The following ENTPD5 variants were observed in gnomAD, a reference collection of about 807,000 sequenced individuals.
ENTPD5 encodes the protein nucleoside diphosphate phosphatase ENTPD5.
A neutral mutation model predicts 60.2 loss-of-function variants in ENTPD5; 49 were observed. That is an observed-to-expected ratio of 0.81 (90% CI 0.65 to 1.03). The LOEUF is 1.03. ENTPD5 is among the 50% of genes least tolerant of loss of function. The pLI is 0.00. For missense variants in ENTPD5, 480 were observed against 507.6 expected (o/e 0.95, Z 0.52); for synonymous variants, 187 against 185.4 (o/e 1.01, Z -0.07).
Position 73,983,146 on chromosome 14 carries a change from G to C in ENTPD5, c.313C>G (p.Gln105Glu), listed in dbSNP as rs1222812546. Residue 105 changes from glutamine (Q) to glutamate (E), a missense_variant, in exon 6 of 16, where the codon CAA (glutamine) becomes GAA (glutamate). Coordinates refer to ENST00000334696, the MANE Select transcript of ENTPD5 (RefSeq NM_001249.5). The part of the protein sequence containing the change: ...DQPKQGAETV[Q>E]GLLEVAKDSI... ...TCTTTGGCCACCTCTAAGAGCCCTTGAACGGTCTCAGCACCCTTCAAAAGA... is the reference window on the plus strand; with the variant it reads ...TCTTTGGCCACCTCTAAGAGCCCTTCAACGGTCTCAGCACCCTTCAAAAGA... The C allele has an allele frequency of 6.2e-7, 1 of 1,613,882 alleles. No individual in the cohort carries two copies. The highest frequency in any genetic ancestry group is 2.2e-5 in the East Asian group (1 of 44,888).
chr14:73,955,641 G>A (rs770807481), downstream of ENTPD5: 6 of 1,354,942 alleles, frequency 4.4e-6, no homozygotes, highest in Non-Finnish European at 5.3e-6. Context: ...AGGAAGTGGG[G>A]AGAAGCATTC....
chr14:73,986,725 T>C, intron 5 of ENTPD5, 89 bp downstream of exon 5: 2 of 889,766 alleles, frequency 2.2e-6, no homozygotes, highest in Non-Finnish European at 1.9e-6. Context: ...TCAATCTCAT[T>C]AGTGAATAGC....
chr14:73,979,526 C>T (rs2057585725), intron 6 of ENTPD5, among the ~76,000 whole-genome samples: 2 of 148,412 alleles, frequency 1.3e-5, no homozygotes. Flanking sequence ...GGCTGGAGTG[C>T]AGTGGCGCCA....
chr14:73,957,076 C>T (rs2140387982), downstream of ENTPD5, among the ~76,000 whole-genome samples: 1 of 151,088 alleles, frequency 6.6e-6, no homozygotes, highest in Admixed American at 6.6e-5. Context: ...CAGACTTCTA[C>T]AGCGAGCTTA....
chr14:73,985,897 C>T (rs2140618547), intron 5 of ENTPD5, among the ~76,000 whole-genome samples: 1 of 151,880 alleles, frequency 6.6e-6, no homozygotes, highest in Admixed American at 6.6e-5. Flanking sequence ...CATAGTGAAA[C>T]CCCGTCTCTA....
chr14:73,960,930 G>T (rs1594812237), downstream of ENTPD5: 2 of 599,716 alleles, frequency 3.3e-6, no homozygotes, highest in South Asian at 3.7e-5. Flanking sequence ...GGGGACTAGT[G>T]AAAGGTGAAG....
chr14:73,987,759 G>T, intron 4 of ENTPD5, 127 bp downstream of exon 4: 1 of 743,404 alleles, frequency 1.3e-6, no homozygotes, highest in Non-Finnish European at 2.2e-6. Flanking sequence ...AAAGTTCTCT[G>T]AAGAAAGACA....
At chr14:73,987,486 G>C (rs529430491) in intron 4 of ENTPD5, among the ~76,000 whole-genome samples, 21 of 151,996 alleles carry the variant, frequency 1.4e-4, no homozygotes, top group African/African-American at 5.1e-4. Flanking sequence ...AGGAGTTTGA[G>C]GCCAGCCTGA....
intron 7 of ENTPD5, 29 bp downstream of exon 7, chr14:73,977,270 C>G (rs573379386): frequency 1.9e-6 from 3 of 1,565,666 alleles, no homozygotes; most frequent in Non-Finnish European, 2.6e-6. Flanking sequence ...CCCCTCTCCC[C>G]CTGGAACGCA....
rs777159369 is a variant in ENTPD5 at position 73,970,136 on chromosome 14, G to C, written c.1085-11C>G. On this transcript the variant is annotated splice_polypyrimidine_tract_variant and intron_variant, in intron 14 of 15. Transcript: ENST00000334696. ...CCAAGTTATCACACACTGAAAGAGAGAGTAAACAGTGGAGCTCAAGTTTGC... is the reference window on the plus strand; with the variant it reads ...CCAAGTTATCACACACTGAAAGAGACAGTAAACAGTGGAGCTCAAGTTTGC... 6.3e-7 allele frequency: 1 copy of C among 1,588,694 alleles called. No homozygotes were observed. The highest frequency in any genetic ancestry group is 1.7e-5 in the Admixed American group (1 of 59,938).
intron 1 of ENTPD5, among the ~76,000 whole-genome samples, chr14:74,016,617 G>C (rs1165204172): frequency 6.6e-6 from 1 of 152,040 alleles, no homozygotes; most frequent in Non-Finnish European, 1.5e-5. Context: ...GCATGGTTAA[G>C]AGTAAGACCC....
intron 12 of ENTPD5, among the ~76,000 whole-genome samples, chr14:73,973,390 G>T (rs2057311754): frequency 6.6e-6 from 1 of 152,210 alleles, no homozygotes; most frequent in Non-Finnish European, 1.5e-5. Context: ...TTTATAAGAA[G>T]ATGAATCATT....
chr14:73,960,035 G>A (rs1348998657), downstream of ENTPD5: 1 of 1,009,970 alleles, frequency 9.9e-7, no homozygotes, highest in Non-Finnish European at 1.2e-6. Flanking sequence ...GCTGCTGTTA[G>A]GCTGACTGAA....
intron 3 of ENTPD5, among the ~76,000 whole-genome samples, chr14:73,997,039 AGACATAAGG>A (rs1289284794): frequency 6.6e-6 from 1 of 152,176 alleles, no homozygotes; most frequent in Non-Finnish European, 1.5e-5. Context: ...CTCTAGGAAC[AGACATAAGG>A]GACAAGAAAC....
In ENTPD5 at chr14:73,994,976, TTTTG is replaced by T. The variant is rs758518444; in HGVS notation, c.-70-6808_-70-6805del. Among the ~76,000 whole-genome samples the T allele has an allele frequency of 5.9e-5, 9 of 152,106 alleles. No homozygotes were observed. The East Asian group carries it at 7.7e-4, about 13-fold the overall frequency. On this transcript the variant is annotated intron_variant, in intron 3 of 15. Coordinates refer to ENST00000334696, the MANE Select transcript of ENTPD5 (RefSeq NM_001249.5). Reference sequence around the variant, plus strand: ...CCATCTAACACATTATATAATTTACTTTTGTTTATTTTCATATTTCCTGTTTCCT... The same window carrying T: ...CCATCTAACACATTATATAATTTACTTTTATTTTCATATTTCCTGTTTCCT...
intron 11 of ENTPD5, among the ~76,000 whole-genome samples, chr14:73,974,416 A>C (rs995283302): frequency 4.6e-5 from 7 of 152,248 alleles, no homozygotes. Flanking sequence ...ATAACAGATT[A>C]CTGTACAAAG....
At chr14:74,017,784 T>C (rs2140900217) in intron 1 of ENTPD5, among the ~76,000 whole-genome samples, 1 of 148,722 alleles carries the variant, frequency 6.7e-6, no homozygotes, top group African/African-American at 2.5e-5. Context: ...CTGGGGAGGC[T>C]GAGGCAGGAG....
chr14:73,961,062 G>C, downstream of ENTPD5: 2 of 1,245,616 alleles, frequency 1.6e-6, no homozygotes, highest in Non-Finnish European at 2.3e-6. Context: ...GTGTAGGCAA[G>C]TTGGGTAGCA....
At position 73,991,857 on chromosome 14, in the gene ENTPD5, AT is replaced by A. The variant is rs926264559; in HGVS notation, c.-70-3686del. 3.6e-3 allele frequency among the ~76,000 whole-genome samples: 543 copies of A among 149,852 alleles called. 5 individuals carry two copies. The highest frequency in any genetic ancestry group is 0.013 in the African/African-American group (525 of 40,806). On this transcript the variant is annotated intron_variant, in intron 3 of 15. Coordinates refer to ENST00000334696, the MANE Select transcript of ENTPD5 (RefSeq NM_001249.5). ...ATTTTAATTTTATGTTTATTTAAAA[AT>A]TTTTTTTTAAATAGCCTGTAATCCC...
Sources: gnomAD v4.1 joint callset for allele counts (sites outside exome capture counted in the v4.1 genomes callset) on GRCh38, gnomAD v4.1.1 for gene constraint, MANE v1.5 for transcripts, NCBI Gene and HGNC (gene_info 2026-07-23, HGNC 2026-07-21) for gene names.